LNX1: variants seen among roughly 807,000 people sequenced by gnomAD.
LNX1 encodes the protein ligand of numb-protein X 1, also known as E3 ubiquitin-protein ligase LNX.
A neutral mutation model predicts 68.4 loss-of-function variants in LNX1; 54 were observed. That is an observed-to-expected ratio of 0.79 (90% CI 0.63 to 0.99). The LOEUF is 0.99. Among genes scored for constraint, LNX1 ranks in the 50% least tolerant of loss-of-function variants. The probability of loss-of-function intolerance (pLI) is 0.00; values close to 1 mark genes in which losing one functional copy is unlikely to be tolerated. For synonymous variants in LNX1, 336 were observed against 350.0 expected, an observed-to-expected ratio of 0.96 and a Z score of 0.45; for missense variants, 906 against 926.4, an observed-to-expected ratio of 0.98 and a Z score of 0.29.
intron 9 of LNX1, among the ~76,000 whole-genome samples, chr4:53,471,496 C>T (rs953923561): frequency 6.6e-6 from 1 of 152,152 alleles, no homozygotes; most frequent in Admixed American, 6.5e-5. Context: ...CAAATGGGAT[C>T]TAATTAAATG....
At chr4:53,580,992 A>C (rs557773897) in intron 1 of LNX1, among the ~76,000 whole-genome samples, 1 of 152,328 alleles carries the variant, frequency 6.6e-6, no homozygotes, top group South Asian at 2.1e-4. Context: ...GACATTCACT[A>C]TAAATGAAAA....
intron 2 of LNX1, among the ~76,000 whole-genome samples, chr4:53,510,205 A>T (rs1220682773): frequency 1.3e-5 from 2 of 152,240 alleles, no homozygotes; most frequent in Non-Finnish European, 2.9e-5. Flanking sequence ...TGCCAAATTC[A>T]TCTGAATGGA....
chr4:53,461,377 T>G, intron 10 of LNX1, 58 bp downstream of exon 10: 1 of 1,384,722 alleles, frequency 7.2e-7, no homozygotes, highest in Non-Finnish European at 1.0e-6. Flanking sequence ...GGGGCCAAGC[T>G]TTGGCATTTA....
intron 2 of LNX1, among the ~76,000 whole-genome samples, chr4:53,616,165 G>T (rs564287638): frequency 6.6e-6 from 1 of 152,080 alleles, no homozygotes; most frequent in South Asian, 2.1e-4. Context: ...GCGTTTCTGT[G>T]GGCTTGGATA....
chr4:53,507,848 G>T, intron 3 of LNX1, 138 bp downstream of exon 3: 2 of 1,123,810 alleles, frequency 1.8e-6, no homozygotes, highest in Non-Finnish European at 2.5e-6. Flanking sequence ...TTGGCGAATT[G>T]GACATTGGGT....
At chr4:53,548,861 C>A (rs1274436445) in intron 2 of LNX1, among the ~76,000 whole-genome samples, 1 of 152,172 alleles carries the variant, frequency 6.6e-6, no homozygotes, top group African/African-American at 2.4e-5. Flanking sequence ...AGAACAAGAT[C>A]ATGTCTTTCA....
At chr4:53,622,463 C>T (rs569361880), upstream of LNX1, among the ~76,000 whole-genome samples, 42 of 152,164 alleles carry the variant, frequency 2.8e-4, 1 homozygote, top group South Asian at 3.5e-3. Context: ...ACCTGATTGG[C>T]GTGGCGAGAC....
intron 9 of LNX1, among the ~76,000 whole-genome samples, chr4:53,472,693 A>AC (rs1482439283): frequency 1.9e-4 from 26 of 139,790 alleles, no homozygotes; most frequent in African/African-American, 6.4e-4. Flanking sequence ...AACAAAAAAA[A>AC]AAAAAACAAA....
intron 1 of LNX1, among the ~76,000 whole-genome samples, chr4:53,630,318 G>A (rs569793275): frequency 1.5e-4 from 23 of 152,248 alleles, no homozygotes; most frequent in Non-Finnish European, 3.1e-4. Flanking sequence ...GTAACCCCCA[G>A]ATCAGGATTC....
chr4:53,505,579 G>T (rs1219220882), intron 4 of LNX1, among the ~76,000 whole-genome samples: 2 of 152,254 alleles, frequency 1.3e-5, no homozygotes, highest in East Asian at 3.9e-4. Context: ...TACATGGAGT[G>T]GAATTGAAGA....
chr4:53,502,819 G>A (rs1289465440), intron 4 of LNX1, among the ~76,000 whole-genome samples: 2 of 152,148 alleles, frequency 1.3e-5, no homozygotes, highest in Non-Finnish European at 2.9e-5. Flanking sequence ...AATGTTCACA[G>A]CATCTTCAGC....
At chr4:53,527,445 T>A (rs1259052686) in intron 2 of LNX1, among the ~76,000 whole-genome samples, 1 of 152,166 alleles carries the variant, frequency 6.6e-6, no homozygotes, top group Non-Finnish European at 1.5e-5. Context: ...CCCACACCCA[T>A]AATTAGTCTC....
chr4:53,553,158 C>T (rs1271352726), intron 2 of LNX1, among the ~76,000 whole-genome samples: 1 of 152,192 alleles, frequency 6.6e-6, no homozygotes, highest in Admixed American at 6.5e-5. Flanking sequence ...TCAGAACTCA[C>T]AGGGTAGAAG....
chr4:53,473,892 C>G (rs1009515445), intron 9 of LNX1, among the ~76,000 whole-genome samples: 15 of 152,164 alleles, frequency 9.9e-5, no homozygotes, highest in Admixed American at 9.2e-4. Context: ...TAAAATATAT[C>G]AAAGAAACAA....
At chr4:53,562,315 A>T (rs972059853) in intron 2 of LNX1, among the ~76,000 whole-genome samples, 1 of 152,150 alleles carries the variant, frequency 6.6e-6, no homozygotes, top group African/African-American at 2.4e-5. Context: ...TCAACTCAAT[A>T]AGTCCATCAC....
intron 5 of LNX1, among the ~76,000 whole-genome samples, chr4:53,497,944 G>A (rs910798977): frequency 6.6e-6 from 1 of 152,172 alleles, no homozygotes; most frequent in African/African-American, 2.4e-5. Flanking sequence ...AAATATACGA[G>A]CAGGGAGGGG....
At chr4:53,495,504 A>G (rs1332041176) in intron 6 of LNX1, among the ~76,000 whole-genome samples, 1 of 149,178 alleles carries the variant, frequency 6.7e-6, no homozygotes, top group East Asian at 2.0e-4. Context: ...ATGGAGACTA[A>G]GACTTACTCT....
chr4:53,575,933 G>A, intron 1 of LNX1: 6 of 1,566,606 alleles, frequency 3.8e-6, no homozygotes, highest in Non-Finnish European at 5.2e-6. Flanking sequence ...CTTGGGGTCA[G>A]CACCAACCTG....
chr4:53,629,413 C>G (rs1237976827), intron 1 of LNX1, among the ~76,000 whole-genome samples: 1 of 152,150 alleles, frequency 6.6e-6, no homozygotes, highest in Non-Finnish European at 1.5e-5. Flanking sequence ...GCTAAGAGCT[C>G]ACCCTGGATC....
Sources: gnomAD v4.1 joint callset for allele counts (sites outside exome capture counted in the v4.1 genomes callset) on GRCh38, gnomAD v4.1.1 for gene constraint, MANE v1.5 for transcripts, NCBI Gene and HGNC (gene_info 2026-07-23, HGNC 2026-07-21) for gene names.